TAX1BP3: variants seen among roughly 807,000 people sequenced by gnomAD.
TAX1BP3 encodes the protein Tax1 binding protein 3, also known as tax1-binding protein 3.
A neutral mutation model predicts 15.3 loss-of-function variants in TAX1BP3; 13 were observed. That is an observed-to-expected ratio of 0.85 (90% CI 0.55 to 1.35). The LOEUF is 1.35. Among genes scored for constraint, TAX1BP3 ranks in the 40% most tolerant of loss-of-function variants. The pLI is 0.00. For synonymous variants in TAX1BP3, 70 were observed against 66.0 expected, an observed-to-expected ratio of 1.06 and a Z score of -0.30; for missense variants, 147 against 169.6, an observed-to-expected ratio of 0.87 and a Z score of 0.74.
At position 3,668,513 on chromosome 17, in the gene TAX1BP3, G is replaced by C. The variant is rs761946895; in HGVS notation, c.14C>G (p.Pro5Arg). 4 of 1,608,640 alleles carry C rather than the reference G, an allele frequency of 2.5e-6. No individual in the cohort carries two copies. In the South Asian group the frequency reaches 4.4e-5, roughly 18 times the overall value. ...CACCACGGCGGTGACCGGCTGGCCC[G>C]GGATGTAGGACATCTCGACCCTGCT... The part of the protein sequence containing the change: MSYI[P>R]GQPVTAVVQR... The change falls in exon 1 of 4, where the codon CCG becomes CGG. Residue 5 changes from proline (P) to arginine (R), a missense_variant. Transcript: ENST00000225525. This position sits in a 1 kb window ranked among gnomAD's most constrained non-coding sequence, Gnocchi z 4.1.
At chr17:3,666,074 C>T (rs1367367941) in intron 1 of TAX1BP3, among the ~76,000 whole-genome samples, 1 of 152,186 alleles carries the variant, frequency 6.6e-6, no homozygotes, top group Non-Finnish European at 1.5e-5. Context: ...TGGCAAGCGC[C>T]GTCCAGTCAG....
intron 2 of TAX1BP3, 122 bp from the exon 3 acceptor site, chr17:3,664,394 A>T (rs1158053424): frequency 2.5e-6 from 3 of 1,203,180 alleles, no homozygotes; most frequent in Non-Finnish European, 3.6e-6. Flanking sequence ...CTCTCCCAGC[A>T]CATATGGTCA....
At chr17:3,665,966 A>T (rs1260624090) in intron 1 of TAX1BP3, among the ~76,000 whole-genome samples, 1 of 152,154 alleles carries the variant, frequency 6.6e-6, no homozygotes, top group African/African-American at 2.4e-5. Context: ...TCTTGTGCAG[A>T]AACGAGTGTT....
At chr17:3,665,852 A>G (rs1024128336) in intron 1 of TAX1BP3, 2 of 602,738 alleles carry the variant, frequency 3.3e-6, no homozygotes, top group Non-Finnish European at 5.8e-6. Context: ...TGTCCAGTGC[A>G]GGACACAGAA....
intron 1 of TAX1BP3, among the ~76,000 whole-genome samples, chr17:3,667,392 G>A (rs1194222647): frequency 6.7e-6 from 1 of 149,590 alleles, no homozygotes; most frequent in Non-Finnish European, 1.5e-5. Context: ...GTGAAGCTTA[G>A]GACAGCTGTC....
At chr17:3,667,195 T>A (rs2076349500) in intron 1 of TAX1BP3, among the ~76,000 whole-genome samples, 1 of 151,550 alleles carries the variant, frequency 6.6e-6, no homozygotes, top group Non-Finnish European at 1.5e-5. Context: ...ATACAAAAAT[T>A]AGCTGGGCAT....
chr17:3,665,759 A>G (rs1320191989), intron 1 of TAX1BP3: 6 of 616,054 alleles, frequency 9.7e-6, no homozygotes, highest in East Asian at 3.1e-5. Context: ...AAAAAAAAAA[A>G]AAAAAAGAAA....
rs1597674456 is a variant in TAX1BP3 at position 3,664,502 on chromosome 17, G to A, written c.159+177C>T. 10 of 1,016,688 alleles carry A rather than the reference G, an allele frequency of 9.8e-6. No homozygotes were observed. The Admixed American group carries it at 2.0e-4, about 21-fold the overall frequency. The allele number at this position is 1,016,688 out of a possible 1,614,324, so 63.0% of individuals were successfully genotyped here. ...CCTGCTCCTCCTGGGCTCTGTCTGAGCAGCCCTTCCTCACCCCACCCGTCC... is the reference window on the plus strand; with the variant it reads ...CCTGCTCCTCCTGGGCTCTGTCTGAACAGCCCTTCCTCACCCCACCCGTCC... On this transcript the variant is annotated intron_variant, in intron 2 of 3. Coordinates refer to ENST00000225525, the MANE Select transcript of TAX1BP3 (RefSeq NM_014604.4).
chr17:3,664,291 A>G lies in TAX1BP3; in HGVS notation c.160-19T>C. ...AAATACCCTGGAAAGGGGCAGCCCAAGTCAAGCCCTGTGGTCACTGGACTG... is the reference window on the plus strand; with the variant it reads ...AAATACCCTGGAAAGGGGCAGCCCAGGTCAAGCCCTGTGGTCACTGGACTG... On this transcript the variant is annotated intron_variant, in intron 2 of 3. Transcript: ENST00000225525. 1.2e-6 allele frequency: 2 copies of G among 1,613,856 alleles called. No individual in the cohort carries two copies. Among genetic ancestry groups the G allele is most frequent in the Non-Finnish European group, 1.7e-6 (2 of 1,180,008 alleles).
chr17:3,664,602 A>T (rs1424645878), intron 2 of TAX1BP3, 77 bp downstream of exon 2: 1 of 1,554,552 alleles, frequency 6.4e-7, no homozygotes. Context: ...CCTTCCATGC[A>T]GGCCCAGGAA....
At position 3,665,213 on chromosome 17, in the gene TAX1BP3, C is replaced by T. The variant is rs187607307; in HGVS notation, c.40-415G>A. On this transcript the variant is annotated intron_variant, in intron 1 of 3. Transcript: ENST00000225525. ...CCGGAACCGCCATCTTCCAGTAATT[C>T]GCCAAAATGACGAACACAAAGGGAA... 1.9e-4 allele frequency: 243 copies of T among 1,273,296 alleles called. No individual in the cohort carries two copies. In the East Asian group the frequency reaches 2.0e-3, roughly 11 times the overall value. The allele number at this position is 1,273,296 out of a possible 1,614,324, so 78.9% of individuals were successfully genotyped here. A position where few individuals can be genotyped will look rare whatever the true frequency, so the allele number is the denominator to read the frequency against.
chr17:3,665,384 G>A, intron 1 of TAX1BP3: 1 of 1,433,514 alleles, frequency 7.0e-7, no homozygotes, highest in Non-Finnish European at 9.7e-7. Flanking sequence ...TGCCCCACAA[G>A]GGTTACCATG....
chr17:3,663,751 G>T lies in TAX1BP3; in HGVS notation c.372C>A (p.Ser124=). ...LQKAVQQSML[S] is the part of the protein sequence containing the mutation. ...GAGTCGCAGATGGTGGTGGCTGCTAGGACAGCATGGACTGCTGCACGGCCT... is the reference window on the plus strand; with the variant it reads ...GAGTCGCAGATGGTGGTGGCTGCTATGACAGCATGGACTGCTGCACGGCCT... Residue 124 remains serine, a synonymous_variant, in exon 4 of 4, where the codon TCC becomes TCA. Coordinates refer to ENST00000225525, the MANE Select transcript of TAX1BP3 (RefSeq NM_014604.4). 1 of 1,602,800 alleles carries T rather than the reference G, an allele frequency of 6.2e-7. No individual in the cohort carries two copies.
rs553311987 is a variant in TAX1BP3 at position 3,667,627 on chromosome 17, A to ACGCTGT, written c.39+855_39+860dup. Reference sequence around the variant, plus strand: ...GCAGGCATTTCTTCTCATTCTCTGAACGCTGTCGGGAGGTAGGCAGGAGAC... The same window carrying ACGCTGT: ...GCAGGCATTTCTTCTCATTCTCTGAACGCTGTCGCTGTCGGGAGGTAGGCAGGAGAC... On this transcript the variant is annotated intron_variant, in intron 1 of 3. Transcript: ENST00000225525. Among the ~76,000 whole-genome samples the ACGCTGT allele has an allele frequency of 4.8e-3, 735 of 152,274 alleles. 6 individuals carry two copies. The highest frequency in any genetic ancestry group is 0.014 in the Middle Eastern group (4 of 294).
chr17:3,665,423 C>T (rs889911314), intron 1 of TAX1BP3: 84 of 1,467,508 alleles, frequency 5.7e-5, no homozygotes, highest in Non-Finnish European at 7.3e-5. Context: ...ACAATGTTCC[C>T]CAGCATGCTG....
At position 3,663,214 on chromosome 17, in the gene TAX1BP3, AGT is replaced by A. The variant is rs2076301755; in HGVS notation, c.*532_*533del. 1.3e-5 allele frequency: 2 copies of A among 152,424 alleles called. No individual in the cohort carries two copies. Among genetic ancestry groups the A allele is most frequent in the Non-Finnish European group, 2.9e-5 (2 of 68,228 alleles). 9.4% of individuals were successfully genotyped at this position (152,424 alleles called of 1,614,324 possible). On this transcript the variant is annotated 3_prime_UTR_variant, in exon 4 of 4. Transcript: ENST00000225525. ...TGGGGAGGCCAGCACCCCTCGGGAGAGTGGGAGTGAACGCGGAGCCCACCTGG... is the reference window on the plus strand; with the variant it reads ...TGGGGAGGCCAGCACCCCTCGGGAGAGGGAGTGAACGCGGAGCCCACCTGG...
At position 3,663,016 on chromosome 17, in the gene TAX1BP3, T is replaced by C. The variant is rs929834075; in HGVS notation, c.*732A>G. The C allele has an allele frequency of 3.9e-5, 6 of 152,146 alleles. No individual in the cohort carries two copies. Among genetic ancestry groups the C allele is most frequent in the African/African-American group, 1.4e-4 (6 of 41,410 alleles). 9.4% of individuals were successfully genotyped at this position (152,146 alleles called of 1,614,324 possible). A position where few individuals can be genotyped will look rare whatever the true frequency, so the allele number is the denominator to read the frequency against. On this transcript the variant is annotated 3_prime_UTR_variant, in exon 4 of 4. Transcript: ENST00000225525. Reference sequence around the variant, plus strand: ...CAGATGCGAATTAGTAAAAGCTAAATTCAAAAGTAGAATGGGCATCTCCAA... The same window carrying C: ...CAGATGCGAATTAGTAAAAGCTAAACTCAAAAGTAGAATGGGCATCTCCAA...
intron 1 of TAX1BP3, among the ~76,000 whole-genome samples, chr17:3,667,965 T>C (rs1373430391): frequency 6.6e-6 from 1 of 152,204 alleles, no homozygotes; most frequent in Non-Finnish European, 1.5e-5. Context: ...TATACGAGCG[T>C]CCACCCTGGA....
In TAX1BP3 at chr17:3,663,722, G is replaced by C; in HGVS notation, c.*26C>G. ...GCGTTACTGTACAGAGAGGCGGCAGGCAGGAGTCGCAGATGGTGGTGGCTG... is the reference window on the plus strand; with the variant it reads ...GCGTTACTGTACAGAGAGGCGGCAGCCAGGAGTCGCAGATGGTGGTGGCTG... On this transcript the variant is annotated 3_prime_UTR_variant, in exon 4 of 4. Coordinates refer to ENST00000225525, the MANE Select transcript of TAX1BP3 (RefSeq NM_014604.4). 6.3e-7 allele frequency: 1 copy of C among 1,589,518 alleles called. No individual in the cohort carries two copies. The highest frequency in any genetic ancestry group is 1.9e-4 in the Middle Eastern group (1 of 5,192).
Sources: allele counts gnomAD v4.1 joint callset (sites outside exome capture counted in the v4.1 genomes callset), GRCh38; gene constraint gnomAD v4.1.1; non-coding constraint Gnocchi (gnomAD v3.1); transcripts MANE v1.5; gene names NCBI Gene and HGNC (gene_info 2026-07-23, HGNC 2026-07-21).